Variants in TUBGCP3 observed in about 807,000 individuals in gnomAD.
TUBGCP3 encodes gamma-tubulin complex component 3.
A neutral mutation model predicts 123.1 loss-of-function variants in TUBGCP3; 50 were observed. That is an observed-to-expected ratio of 0.41 (90% confidence interval 0.32 to 0.51). The LOEUF is 0.51. Ranked by LOEUF, TUBGCP3 falls within the 20% of genes least tolerant of loss-of-function variation. The pLI is 0.36. For synonymous variants in TUBGCP3, 405 were observed against 413.9 expected (o/e 0.98, Z 0.26); for missense variants, 882 against 1,127.0 (o/e 0.78, Z 3.11).
chr13:112,519,897 G>A lies in TUBGCP3; in HGVS notation c.1870C>T (p.Arg624Trp). Reference protein sequence around the residue: ...SPEILRRLDVRLLEVSPGDTG... With the variant: ...SPEILRRLDVWLLEVSPGDTG... Reference sequence around the variant, plus strand: ...CAGAGCCGCAGTACCTCCAGCAGCCGCACGTCCAGCCTTCGCAGGATCTCA... The same window carrying A: ...CAGAGCCGCAGTACCTCCAGCAGCCACACGTCCAGCCTTCGCAGGATCTCA... Residue 624 changes from arginine (R) to tryptophan (W), a missense_variant, in exon 15 of 22, where the codon CGG (arginine) becomes TGG (tryptophan). Physicochemically the swap from Arg to Trp is moderately radical, Grantham distance 101. This residue lies in a region of TUBGCP3 where 713 missense variants were observed against 874.0 expected (regional missense o/e 0.82). Transcript: ENST00000261965. This position sits in a 1 kb window ranked among gnomAD's most constrained non-coding sequence, Gnocchi z 6.2. The A allele has an allele frequency of 1.9e-6, 3 of 1,613,158 alleles. No homozygotes were observed. Among genetic ancestry groups the A allele is most frequent in the Non-Finnish European group, 2.5e-6 (3 of 1,179,468 alleles).
chr13:112,511,740 C>T lies in TUBGCP3; in HGVS notation c.2086+4700G>A, dbSNP rs1881689059. On this transcript the variant is annotated intron_variant, in intron 17 of 21. Coordinates refer to ENST00000261965, the MANE Select transcript of TUBGCP3 (RefSeq NM_006322.6). The surrounding 1 kb of genome is among the most constrained non-coding windows in gnomAD (Gnocchi z 4.1). Reference sequence around the variant, plus strand: ...ATTATTCGATATATTGGGCCAAAACCAAATTTGGGCCAATCCAACCTTTTC... The same window carrying T: ...ATTATTCGATATATTGGGCCAAAACTAAATTTGGGCCAATCCAACCTTTTC... Among the ~76,000 whole-genome samples, 1 of 152,100 alleles carries T rather than the reference C, an allele frequency of 6.6e-6. No individual in the cohort carries two copies. The highest frequency in any genetic ancestry group is 6.5e-5 in the Admixed American group (1 of 15,278).
upstream of TUBGCP3, among the ~76,000 whole-genome samples, chr13:112,593,034 G>A (rs1225382546): frequency 6.6e-6 from 1 of 152,212 alleles, no homozygotes; most frequent in Non-Finnish European, 1.5e-5. Context: ...TAGAAAGAAA[G>A]AGATTAAAGG....
intron 11 of TUBGCP3, among the ~76,000 whole-genome samples, chr13:112,541,160 C>T (rs368362278): frequency 1.0e-3 from 155 of 152,246 alleles, no homozygotes; most frequent in Non-Finnish European, 1.2e-3. Flanking sequence ...ATTACTATCA[C>T]GAAAGGAAAT....
chr13:112,487,407 A>G (rs1879757559), intron 21 of TUBGCP3, among the ~76,000 whole-genome samples: 1 of 152,210 alleles, frequency 6.6e-6, no homozygotes, highest in South Asian at 2.1e-4. Context: ...CTGTAATTTG[A>G]GTAAAATTGG....
At chr13:112,522,897 A>C (rs1028494262) in intron 13 of TUBGCP3, among the ~76,000 whole-genome samples, 9 of 152,234 alleles carry the variant, frequency 5.9e-5, no homozygotes, top group African/African-American at 2.2e-4. Context: ...CATGCAAATA[A>C]GCTTTGTGAA....
chr13:112,486,089 A>G lies in TUBGCP3; in HGVS notation c.2628T>C (p.Leu876=), dbSNP rs755548966. The change falls in exon 22 of 22, where the codon CTT becomes CTC. Residue 876 remains leucine (L), a synonymous_variant. Coordinates refer to ENST00000261965, the MANE Select transcript of TUBGCP3 (RefSeq NM_006322.6). ...GCTCGTTGAAGTCCAGCCTGAAGCT[A>G]AGAAACCGAAGACTCTCGTCAGAGC... ...TTSSDESLRF[L]SFRLDFNEHY... is the part of the protein sequence containing the mutation. 46 of 1,610,270 alleles carry G rather than the reference A, an allele frequency of 2.9e-5. No individual in the cohort carries two copies. Among genetic ancestry groups the G allele is most frequent in the Non-Finnish European group, 3.5e-5 (41 of 1,177,256 alleles).
At chr13:112,562,127 A>ACCCACTAGGGACCACCACCAGCCAGGG (rs1880560361) in intron 3 of TUBGCP3, among the ~76,000 whole-genome samples, 1 of 149,540 alleles carries the variant, frequency 6.7e-6, no homozygotes, top group African/African-American at 2.5e-5. Context: ...ACCAGCCAGG[A>ACCCACTAGGGACCACCACCAGCCAGGG]CCCAATAGGG....
In TUBGCP3 at chr13:112,588,024, T is replaced by C; in HGVS notation, c.-44A>G. 7.1e-7 allele frequency: 1 copy of C among 1,399,038 alleles called. No homozygotes were observed. Among genetic ancestry groups the C allele is most frequent in the Non-Finnish European group, 9.4e-7 (1 of 1,063,826 alleles). The allele number at this position is 1,399,038 out of a possible 1,614,324, so 86.7% of individuals were successfully genotyped here. ...ACGGTGGTCCGGGCAGAGCCGCCACTGCCGCCGCACGCGCAGGGACCGCGG... is the reference window on the plus strand; with the variant it reads ...ACGGTGGTCCGGGCAGAGCCGCCACCGCCGCCGCACGCGCAGGGACCGCGG... On this transcript the variant is annotated 5_prime_UTR_variant, in exon 1 of 22. Coordinates refer to ENST00000261965, the MANE Select transcript of TUBGCP3 (RefSeq NM_006322.6).
chr13:112,552,588 CA>C (rs1346002134), intron 8 of TUBGCP3, among the ~76,000 whole-genome samples: 1 of 152,202 alleles, frequency 6.6e-6, no homozygotes, highest in Non-Finnish European at 1.5e-5. Flanking sequence ...TAGAGGTAAT[CA>C]CTACCCCACT....
intron 11 of TUBGCP3, among the ~76,000 whole-genome samples, chr13:112,542,597 A>G (rs1279192205): frequency 6.6e-6 from 1 of 152,218 alleles, no homozygotes; most frequent in South Asian, 2.1e-4. Flanking sequence ...AATGATGAAT[A>G]CCAAATATAC....
Position 112,588,146 on chromosome 13 carries a change from GA to G in TUBGCP3, c.-167del, listed in dbSNP as rs1257031031. On this transcript the variant is annotated 5_prime_UTR_variant, in exon 1 of 22. Transcript: ENST00000261965. ...GGGCGCCATTTTAACGGAACCCGCC[GA>G]AAGCGCGGGCGCTTCCCACAATGCC... is the stretch of plus-strand genomic sequence containing the variant. 4 of 499,432 alleles carry G rather than the reference GA, an allele frequency of 8.0e-6. No homozygotes were observed. The highest frequency in any genetic ancestry group is 1.3e-5 in the Non-Finnish European group (4 of 304,040). The allele number at this position is 499,432 out of a possible 1,614,324, so 30.9% of individuals were successfully genotyped here.
intron 20 of TUBGCP3, among the ~76,000 whole-genome samples, chr13:112,495,907 C>T (rs1880497337): frequency 6.6e-6 from 1 of 152,064 alleles, no homozygotes; most frequent in Non-Finnish European, 1.5e-5. Flanking sequence ...AATTTGAATG[C>T]ATCTATTTAG....
chr13:112,504,722 G>A lies in TUBGCP3; in HGVS notation c.2087-8C>T. 6.2e-7 allele frequency: 1 copy of A among 1,611,888 alleles called. No homozygotes were observed. The highest frequency in any genetic ancestry group is 8.5e-7 in the Non-Finnish European group (1 of 1,178,494). On this transcript the variant is annotated splice_polypyrimidine_tract_variant and splice_region_variant and intron_variant, in intron 17 of 21. Transcript: ENST00000261965. Reference sequence around the variant, plus strand: ...GCAGCACCCCGGAGAACTCTGCAAGGGAAGAGTTGACGTCAGAGGTGCAAT... The same window carrying A: ...GCAGCACCCCGGAGAACTCTGCAAGAGAAGAGTTGACGTCAGAGGTGCAAT...
chr13:112,509,339 G>T (rs1881515819), intron 17 of TUBGCP3, among the ~76,000 whole-genome samples: 1 of 152,198 alleles, frequency 6.6e-6, no homozygotes, highest in Non-Finnish European at 1.5e-5. Context: ...TTGTCACCTT[G>T]TCACTGGGAG....
chr13:112,569,187 T>C lies in TUBGCP3; in HGVS notation c.149A>G (p.Asp50Gly). ...GATTTTTTCAGCTACTAAAAATTCATCTCTTTCAACAGTTGGGGCGAAGTT... is the reference window on the plus strand; with the variant it reads ...GATTTTTTCAGCTACTAAAAATTCACCTCTTTCAACAGTTGGGGCGAAGTT... Reference protein sequence around the residue: ...GSNFAPTVERDEFLVAEKIKK... With the variant: ...GSNFAPTVERGEFLVAEKIKK... The change falls in exon 2 of 22, where the codon GAT becomes GGT. Residue 50 changes from aspartate to glycine, a missense_variant. Physicochemically the swap from Asp to Gly is moderately conservative, Grantham distance 94. This residue lies in a region of TUBGCP3 where 713 missense variants were observed against 874.0 expected (regional missense o/e 0.82). Transcript: ENST00000261965. 2 of 1,614,178 alleles carry C rather than the reference T, an allele frequency of 1.2e-6. No individual in the cohort carries two copies. Among genetic ancestry groups the C allele is most frequent in the East Asian group, 2.2e-5 (1 of 44,876 alleles).
At chr13:112,592,824 A>G (rs1472949942), upstream of TUBGCP3, among the ~76,000 whole-genome samples, 1 of 152,196 alleles carries the variant, frequency 6.6e-6, no homozygotes, top group Non-Finnish European at 1.5e-5. This position sits in a 1 kb window ranked among gnomAD's most constrained non-coding sequence, Gnocchi z 4.1. Context: ...CACTGGCCAC[A>G]CACCATGAGG....
At chr13:112,596,050 G>A in the TUBGCP3 span, among the ~76,000 whole-genome samples, 3 of 152,040 alleles carry the variant, frequency 2.0e-5, no homozygotes, top group Non-Finnish European at 4.4e-5. Flanking sequence ...GTGAATGAAC[G>A]CAATCTCCTT....
At chr13:112,602,634 T>A in the TUBGCP3 span, among the ~76,000 whole-genome samples, 1 of 152,210 alleles carries the variant, frequency 6.6e-6, no homozygotes. Flanking sequence ...ACATTTGTTC[T>A]TTGTCATATT....
rs1030533201 is a variant in TUBGCP3, at chr13:112,485,793, G to C, written c.*200C>G. ...CAGTGCAGCCAGCCTACTTGACTTAGGGATTTACAAATGCATTCGACTCCG... is the reference window on the plus strand; with the variant it reads ...CAGTGCAGCCAGCCTACTTGACTTACGGATTTACAAATGCATTCGACTCCG... On this transcript the variant is annotated 3_prime_UTR_variant, in exon 22 of 22. Coordinates refer to ENST00000261965, the MANE Select transcript of TUBGCP3 (RefSeq NM_006322.6). The C allele has an allele frequency of 8.2e-6, 5 of 610,162 alleles. No homozygotes were observed. The Admixed American group carries it at 1.3e-4, about 16-fold the overall frequency. The allele number at this position is 610,162 out of a possible 1,614,324, so 37.8% of individuals were successfully genotyped here. A position where few individuals can be genotyped will look rare whatever the true frequency, so the allele number is the denominator to read the frequency against.
Sources: allele counts gnomAD v4.1 joint callset (sites outside exome capture counted in the v4.1 genomes callset), GRCh38; gene constraint gnomAD v4.1.1; regional missense constraint gnomAD v4.1.1; non-coding constraint Gnocchi (gnomAD v3.1); transcripts MANE v1.5; gene names NCBI Gene and HGNC (gene_info 2026-07-23, HGNC 2026-07-21).